The following KCNIP4 variants were observed in gnomAD, a reference collection of about 807,000 sequenced individuals.
The protein encoded by KCNIP4 is potassium voltage-gated channel interacting protein 4.
Under a neutral mutation model 34.0 loss-of-function variants are expected in KCNIP4, and 12 were observed. That is an observed-to-expected ratio of 0.35 (90% CI 0.23 to 0.57). KCNIP4 has a LOEUF of 0.57. Among genes scored for constraint, KCNIP4 ranks in the 20% least tolerant of loss-of-function variants. The pLI is 0.83. For synonymous variants in KCNIP4, 124 were observed against 102.2 expected (o/e 1.21, Z -1.29); for missense variants, 238 against 311.7 (o/e 0.76, Z 1.78).
intron 1 of KCNIP4, among the ~76,000 whole-genome samples, chr4:21,168,940 C>T (rs544365533): frequency 6.6e-6 from 1 of 152,236 alleles, no homozygotes; most frequent in South Asian, 2.1e-4. Flanking sequence ...TTCCTCCTGG[C>T]TTATCAGTCT....
At chr4:21,535,651 C>A (rs937107619) in intron 1 of KCNIP4, among the ~76,000 whole-genome samples, 3 of 152,106 alleles carry the variant, frequency 2.0e-5, no homozygotes, top group Non-Finnish European at 4.4e-5. Flanking sequence ...AGACAAGAAG[C>A]CTGCTAGTTT....
chr4:21,158,537 A>C (rs562323973), intron 1 of KCNIP4, among the ~76,000 whole-genome samples: 3 of 152,280 alleles, frequency 2.0e-5, no homozygotes, highest in African/African-American at 7.2e-5. Flanking sequence ...TAACAAACTA[A>C]AAAAGTGATT....
chr4:21,585,907 A>G (rs1004170792), intron 1 of KCNIP4, among the ~76,000 whole-genome samples: 2 of 152,120 alleles, frequency 1.3e-5, no homozygotes, highest in Admixed American at 1.3e-4. Context: ...TAAGTTGAAC[A>G]ACTACCAAAG....
intron 1 of KCNIP4, among the ~76,000 whole-genome samples, chr4:21,328,457 G>T (rs1715304986): frequency 6.6e-6 from 1 of 152,140 alleles, no homozygotes; most frequent in African/African-American, 2.4e-5. Flanking sequence ...GCCTGGAGCT[G>T]GGGGTGGAGT....
intron 1 of KCNIP4, among the ~76,000 whole-genome samples, chr4:21,119,903 T>A (rs1375185466): frequency 6.6e-6 from 1 of 152,184 alleles, no homozygotes; most frequent in African/African-American, 2.4e-5. Flanking sequence ...GTGTCAGCAC[T>A]GACAACACTT....
chr4:20,930,891 A>G (rs1730394450), intron 1 of KCNIP4, among the ~76,000 whole-genome samples: 1 of 151,848 alleles, frequency 6.6e-6, no homozygotes, highest in South Asian at 2.1e-4. Flanking sequence ...GGGAAAAGGG[A>G]AATACAGTAC....
rs188187485 is a variant in KCNIP4 at position 21,042,544 on chromosome 4, G to C, written c.62-159835C>G. On this transcript the variant is annotated intron_variant, in intron 1 of 8. Transcript: ENST00000382152. ...CAGAAGATATGAAGCAGAGGGGGAG[G>C]GGAGATAGTAGGCACTTGGTCAATG... 5.9e-5 allele frequency among the ~76,000 whole-genome samples: 9 copies of C among 152,152 alleles called. No homozygotes were observed. In the East Asian group the frequency reaches 1.7e-3, roughly 30 times the overall value.
chr4:21,357,765 T>A (rs1396944348), intron 1 of KCNIP4, among the ~76,000 whole-genome samples: 3 of 152,302 alleles, frequency 2.0e-5, no homozygotes, highest in East Asian at 3.9e-4. Context: ...GTGTGGTGAT[T>A]CCTCAAGGAT....
At chr4:21,851,059 G>C (rs1244905214) in intron 1 of KCNIP4, 2 of 152,102 alleles carry the variant, frequency 1.3e-5, no homozygotes, top group Non-Finnish European at 2.9e-5. Context: ...AAAGGGAGGA[G>C]TAACACTCAA....
Position 21,932,512 on chromosome 4 carries a change from C to T in KCNIP4, c.61+16059G>A, listed in dbSNP as rs576652890. Among the ~76,000 whole-genome samples the T allele has an allele frequency of 2.6e-4, 39 of 152,144 alleles. No homozygotes were observed. In the South Asian group the frequency reaches 7.9e-3, roughly 31 times the overall value. On this transcript the variant is annotated intron_variant, in intron 1 of 8. Transcript: ENST00000382152. ...TTGCACATTGCTGATAGTTCTTTGC[C>T]GCTCACTGGTTTGTTTTAGGCTTTA... is the stretch of plus-strand genomic sequence containing the variant.
chr4:21,720,509 T>C (rs536852344), intron 1 of KCNIP4, among the ~76,000 whole-genome samples: 1 of 146,118 alleles, frequency 6.8e-6, no homozygotes, highest in Admixed American at 7.0e-5. Flanking sequence ...GTTGTTTTTT[T>C]TCCCCCATTC....
At chr4:21,080,988 A>C (rs1170511768) in intron 1 of KCNIP4, among the ~76,000 whole-genome samples, 1 of 151,840 alleles carries the variant, frequency 6.6e-6, no homozygotes, top group Non-Finnish European at 1.5e-5. Context: ...TCTTTTTTTC[A>C]CTTTCACTCT....
chr4:21,518,498 T>C (rs1046391221), intron 1 of KCNIP4, among the ~76,000 whole-genome samples: 8 of 152,184 alleles, frequency 5.3e-5, no homozygotes, highest in Middle Eastern at 3.4e-3. Context: ...AATCAGTCTA[T>C]GAAAACTTGA....
intron 1 of KCNIP4, among the ~76,000 whole-genome samples, chr4:21,087,350 G>A (rs1746564002): frequency 6.6e-6 from 1 of 152,034 alleles, no homozygotes; most frequent in Non-Finnish European, 1.5e-5. Flanking sequence ...CTAATTTTTT[G>A]CATTTTTAGT....
rs569245544 is a variant in KCNIP4 at position 21,501,715 on chromosome 4, T to TGTGCGCGC, written c.61+446855_61+446856insGCGCGCAC. On this transcript the variant is annotated intron_variant, in intron 1 of 8. Coordinates refer to ENST00000382152, the MANE Select transcript of KCNIP4 (RefSeq NM_025221.6). ...GTGTGTGTGTGTGTGTGTGTGTGTG[T>TGTGCGCGC]GCGTTGGAAGGGGCAGTTTATATGT... Among the ~76,000 whole-genome samples the TGTGCGCGC allele has an allele frequency of 4.5e-3, 677 of 150,848 alleles. 8 individuals are homozygous for TGTGCGCGC. Among genetic ancestry groups the TGTGCGCGC allele is most frequent in the African/African-American group, 0.016 (644 of 41,012 alleles).
intron 1 of KCNIP4, among the ~76,000 whole-genome samples, chr4:20,890,177 G>C (rs762388185): frequency 1.6e-4 from 25 of 152,104 alleles, no homozygotes; most frequent in African/African-American, 6.0e-4. Flanking sequence ...TCAGATGCTG[G>C]CAATAATGCA....
intron 1 of KCNIP4, among the ~76,000 whole-genome samples, chr4:21,937,876 T>C (rs1030212279): frequency 1.9e-4 from 29 of 152,074 alleles, no homozygotes; most frequent in Admixed American, 1.8e-3. Flanking sequence ...ACTCCCTTTT[T>C]GTCCATTGAC....
At chr4:20,760,668 G>A (rs1754884910) in intron 3 of KCNIP4, among the ~76,000 whole-genome samples, 1 of 152,150 alleles carries the variant, frequency 6.6e-6, no homozygotes, top group South Asian at 2.1e-4. Flanking sequence ...CAGAACTGGA[G>A]GTGCTGAGTG....
intron 1 of KCNIP4, among the ~76,000 whole-genome samples, chr4:21,295,170 A>T (rs1459559215): frequency 6.6e-6 from 1 of 152,184 alleles, no homozygotes; most frequent in Non-Finnish European, 1.5e-5. Context: ...TGGAAGGTAG[A>T]GGGAAAACCT....
Sources: gnomAD v4.1 joint callset for allele counts (sites outside exome capture counted in the v4.1 genomes callset) on GRCh38, gnomAD v4.1.1 for gene constraint, MANE v1.5 for transcripts, NCBI Gene and HGNC (gene_info 2026-07-23, HGNC 2026-07-21) for gene names.